RAD51B: variants seen among roughly 807,000 people sequenced by gnomAD.
RAD51B encodes the protein DNA repair protein RAD51 homolog 2.
In RAD51B, 38 loss-of-function variants were observed where a neutral mutation model predicts 42.2. That is an observed-to-expected ratio of 0.90 (90% confidence interval 0.70 to 1.18). RAD51B has a LOEUF of 1.18. Ranked by LOEUF, RAD51B falls within the 50% of genes most tolerant of loss-of-function variation. RAD51B has a pLI of 0.00. For synonymous variants in RAD51B, 154 were observed against 145.2 expected, an observed-to-expected ratio of 1.06 and a Z score of -0.43; for missense variants, 373 against 400.7, an observed-to-expected ratio of 0.93 and a Z score of 0.59.
intron 10 of RAD51B, among the ~76,000 whole-genome samples, chr14:68,544,111 C>A (rs1041693340): frequency 6.6e-6 from 1 of 152,170 alleles, no homozygotes; most frequent in Non-Finnish European, 1.5e-5. Context: ...AACTAACTTT[C>A]ATTTATCTTG....
At chr14:68,496,294 C>T (rs917814653) in intron 10 of RAD51B, among the ~76,000 whole-genome samples, 2 of 152,346 alleles carry the variant, frequency 1.3e-5, no homozygotes, top group South Asian at 4.1e-4. Context: ...CCTTTCCAGC[C>T]TGGCCCCAAC....
chr14:68,328,522 G>C (rs4899238), intron 8 of RAD51B, among the ~76,000 whole-genome samples: 103,265 of 151,956 alleles, frequency 0.68, 35,336 homozygotes, highest in Non-Finnish European at 0.73. Flanking sequence ...GAGACACTGA[G>C]GGAGCTATGA....
intron 10 of RAD51B, among the ~76,000 whole-genome samples, chr14:68,560,922 G>A (rs981945124): frequency 3.3e-5 from 5 of 152,258 alleles, no homozygotes; most frequent in Admixed American, 2.6e-4. Context: ...GGGATCATCC[G>A]GCAGGGAACA....
intron 8 of RAD51B, among the ~76,000 whole-genome samples, chr14:68,380,158 G>C (rs914685995): frequency 6.6e-6 from 1 of 152,210 alleles, no homozygotes; most frequent in Non-Finnish European, 1.5e-5. Context: ...CGTGCTTAAA[G>C]TGTGTTTCTA....
intron 10 of RAD51B, among the ~76,000 whole-genome samples, chr14:68,644,698 A>G (rs1487227290): frequency 1.3e-5 from 2 of 151,880 alleles, no homozygotes; most frequent in Non-Finnish European, 1.5e-5. Context: ...TCTCCTATGT[A>G]TGTCATCAAA....
intron 10 of RAD51B, among the ~76,000 whole-genome samples, chr14:68,642,498 C>T (rs1470322140): frequency 4.6e-5 from 7 of 152,164 alleles, no homozygotes; most frequent in Non-Finnish European, 1.0e-4. Context: ...TATTAGTCCT[C>T]TCTCTTTTCT....
At chr14:68,493,738 C>G (rs537750970) in intron 10 of RAD51B, among the ~76,000 whole-genome samples, 5 of 152,324 alleles carry the variant, frequency 3.3e-5, no homozygotes, top group African/African-American at 1.2e-4. Flanking sequence ...ATCCATAAAT[C>G]TCCCAATGCT....
At chr14:68,590,552 GC>G (rs1566947473) in intron 10 of RAD51B, among the ~76,000 whole-genome samples, 1 of 152,228 alleles carries the variant, frequency 6.6e-6, no homozygotes, top group Non-Finnish European at 1.5e-5. Context: ...TGGCAAAGGT[GC>G]CTGGGGCTGG....
At chr14:67,873,869 A>C (rs2042632361) in intron 5 of RAD51B, among the ~76,000 whole-genome samples, 2 of 144,618 alleles carry the variant, frequency 1.4e-5, no homozygotes, top group Admixed American at 7.0e-5. Flanking sequence ...ATTCTCACTC[A>C]TAGGTGGGAA....
chr14:68,029,772 C>T (rs1394817685), intron 7 of RAD51B, among the ~76,000 whole-genome samples: 2 of 152,202 alleles, frequency 1.3e-5, no homozygotes, highest in African/African-American at 4.8e-5. Context: ...TTTCAATTTG[C>T]TGTACCCAGA....
Position 68,032,136 on chromosome 14 carries a change from C to T in RAD51B, c.756+144932C>T, listed in dbSNP as rs145451518. On this transcript the variant is annotated intron_variant, in intron 7 of 10. Transcript: ENST00000471583. ...TTCTTGTGTGTTGAAGATAATAATA[C>T]CTAGGTCATGGAGTTGTCGTGAAGA... 1.4e-4 allele frequency among the ~76,000 whole-genome samples: 21 copies of T among 152,204 alleles called. 1 individual carries two copies. In the East Asian group the frequency reaches 4.1e-3, roughly 29 times the overall value.
At chr14:68,425,595 C>T (rs1312955869) in intron 9 of RAD51B, among the ~76,000 whole-genome samples, 1 of 152,158 alleles carries the variant, frequency 6.6e-6, no homozygotes, top group Non-Finnish European at 1.5e-5. Context: ...GGACTTAGCC[C>T]CCAGAACTGT....
chr14:68,470,436 G>A (rs1033714821), intron 10 of RAD51B: 1 of 460,840 alleles, frequency 2.2e-6, no homozygotes, highest in Admixed American at 2.6e-5. Flanking sequence ...GAAAATGCAG[G>A]CCCCTCATTT....
At chr14:68,115,711 A>T (rs989383831) in intron 7 of RAD51B, among the ~76,000 whole-genome samples, 4 of 152,128 alleles carry the variant, frequency 2.6e-5, no homozygotes, top group Non-Finnish European at 4.4e-5. Context: ...TTTAACTCAA[A>T]GTGCGGGAAT....
Position 67,895,399 on chromosome 14 carries a change from G to A in RAD51B, c.756+8195G>A, listed in dbSNP as rs576339467. On this transcript the variant is annotated intron_variant, in intron 7 of 10. Coordinates refer to ENST00000471583, the MANE Select transcript of RAD51B (RefSeq NM_133510.4). ...GGATAATTGAATAATATCACTTGCC[G>A]CTTCCATCCTGGGTTGTTATTGTAG... Among the ~76,000 whole-genome samples, 7 of 152,210 alleles carry A rather than the reference G, an allele frequency of 4.6e-5. No homozygotes were observed. The East Asian group carries it at 9.7e-4, about 21-fold the overall frequency.
chr14:67,824,034 T>A (rs1388813943), intron 2 of RAD51B, among the ~76,000 whole-genome samples: 1 of 152,124 alleles, frequency 6.6e-6, no homozygotes. Flanking sequence ...TTAAGCAAGG[T>A]GGTGAAGCAA....
chr14:68,411,279 T>G, intron 8 of RAD51B, 145 bp from the exon 9 acceptor site: 1 of 686,016 alleles, frequency 1.5e-6, no homozygotes. Context: ...CCTCTCCTAC[T>G]TCACTGATTC....
chr14:68,584,997 A>T (rs1268608175), intron 10 of RAD51B, among the ~76,000 whole-genome samples: 1 of 152,118 alleles, frequency 6.6e-6, no homozygotes, highest in African/African-American at 2.4e-5. Context: ...CCAATCCAGG[A>T]CTTGCCACAA....
intron 9 of RAD51B, among the ~76,000 whole-genome samples, chr14:68,458,775 G>A (rs1019878303): frequency 1.3e-5 from 2 of 151,830 alleles, no homozygotes; most frequent in African/African-American, 4.8e-5. Context: ...AGAAAAACTT[G>A]GGAAGTAGGC....
Sources: allele counts gnomAD v4.1 joint callset (sites outside exome capture counted in the v4.1 genomes callset), GRCh38; gene constraint gnomAD v4.1.1; transcripts MANE v1.5; gene names NCBI Gene and HGNC (gene_info 2026-07-23, HGNC 2026-07-21).